The following EEFSEC variants were observed in gnomAD, a reference collection of about 807,000 sequenced individuals.
EEFSEC encodes the protein eukaryotic elongation factor, selenocysteine-tRNA specific, also known as selenocysteine-specific elongation factor.
Under a neutral mutation model 42.1 loss-of-function variants are expected in EEFSEC, and 43 were observed. The ratio of observed to expected loss-of-function variants is 1.02; its 90% confidence interval spans 0.80 to 1.32. The LOEUF is 1.32. EEFSEC is among the 40% of genes most tolerant of loss of function. The pLI, the probability that EEFSEC is intolerant of heterozygous loss-of-function variation, is 0.00. For missense variants in EEFSEC, 745 were observed against 803.6 expected (o/e 0.93, Z 0.88); for synonymous variants, 354 against 339.1 (o/e 1.04, Z -0.48).
At chr3:128,252,599 A>G (rs1169073443) in intron 2 of EEFSEC, among the ~76,000 whole-genome samples, 3 of 152,182 alleles carry the variant, frequency 2.0e-5, no homozygotes, top group Non-Finnish European at 4.4e-5. Context: ...GAGAAAAGTG[A>G]GGCTTAATAA....
intron 6 of EEFSEC, among the ~76,000 whole-genome samples, chr3:128,385,804 A>G (rs1049743746): frequency 6.6e-6 from 1 of 152,232 alleles, no homozygotes; most frequent in African/African-American, 2.4e-5. Context: ...AACAAGAGGC[A>G]GGAGGCTGAG....
chr3:128,255,742 G>A (rs1482894366), intron 2 of EEFSEC, among the ~76,000 whole-genome samples: 3 of 152,242 alleles, frequency 2.0e-5, no homozygotes, highest in African/African-American at 7.2e-5. Context: ...GAAAGTGGCA[G>A]GGTGGGGGTG....
In EEFSEC at chr3:128,331,856, G is replaced by A. The variant is rs550435035; in HGVS notation, c.787-9377G>A. ...TATTTCTTGTACTGCTGGTGGAAGC[G>A]TAACCACCCACTTTAGAGAAAAATC... On this transcript the variant is annotated intron_variant, in intron 4 of 6. Coordinates refer to ENST00000254730, the MANE Select transcript of EEFSEC (RefSeq NM_021937.5). Among the ~76,000 whole-genome samples the A allele has an allele frequency of 9.2e-5, 14 of 152,176 alleles. No homozygotes were observed. In the South Asian group the frequency reaches 1.2e-3, roughly 14 times the overall value.
At chr3:128,352,241 T>A (rs2067396269) in intron 5 of EEFSEC, among the ~76,000 whole-genome samples, 1 of 152,244 alleles carries the variant, frequency 6.6e-6, no homozygotes, top group Non-Finnish European at 1.5e-5. Context: ...GATGTAGGCC[T>A]CACAGCATCC....
chr3:128,366,768 A>G (rs868664796), intron 6 of EEFSEC, among the ~76,000 whole-genome samples: 5 of 152,184 alleles, frequency 3.3e-5, no homozygotes, highest in Non-Finnish European at 4.4e-5. Flanking sequence ...TCTGTTCAAC[A>G]GTGTGCTTTT....
chr3:128,285,979 G>T (rs1219510134), intron 4 of EEFSEC, among the ~76,000 whole-genome samples: 4 of 152,218 alleles, frequency 2.6e-5, no homozygotes, highest in Non-Finnish European at 5.9e-5. Flanking sequence ...TCTGGAATTT[G>T]ATATAAGTAC....
At chr3:128,424,338 AT>A in the EEFSEC span, among the ~76,000 whole-genome samples, 3 of 152,132 alleles carry the variant, frequency 2.0e-5, no homozygotes, top group South Asian at 4.2e-4. Context: ...GTTTTTAATT[AT>A]TGTATTACTT....
At chr3:128,340,199 T>C (rs988425176) in intron 4 of EEFSEC, among the ~76,000 whole-genome samples, 6 of 152,178 alleles carry the variant, frequency 3.9e-5, no homozygotes, top group Non-Finnish European at 7.3e-5. Flanking sequence ...AGAGCTGTCT[T>C]TCTGTGGGTC....
chr3:128,251,706 T>A (rs2066188788), intron 2 of EEFSEC, among the ~76,000 whole-genome samples: 1 of 152,246 alleles, frequency 6.6e-6, no homozygotes, highest in Non-Finnish European at 1.5e-5. Flanking sequence ...TGTTAACCCT[T>A]CTATCATATT....
At chr3:128,279,992 A>G (rs1459215988) in intron 4 of EEFSEC, among the ~76,000 whole-genome samples, 1 of 152,172 alleles carries the variant, frequency 6.6e-6, no homozygotes, top group East Asian at 1.9e-4. Flanking sequence ...GTGCAGATCT[A>G]TGTGGAAAGA....
At chr3:128,184,822 T>C (rs1374939350) in intron 1 of EEFSEC, among the ~76,000 whole-genome samples, 1 of 152,208 alleles carries the variant, frequency 6.6e-6, no homozygotes, top group African/African-American at 2.4e-5. Context: ...AAATTCTCAA[T>C]TGTATCACAA....
At chr3:128,214,497 T>C (rs2065789840) in intron 1 of EEFSEC, among the ~76,000 whole-genome samples, 1 of 152,166 alleles carries the variant, frequency 6.6e-6, no homozygotes, top group Non-Finnish European at 1.5e-5. Context: ...CTAAGAAAAA[T>C]CATTCAGTGA....
intron 4 of EEFSEC, among the ~76,000 whole-genome samples, chr3:128,269,949 A>G (rs998394095): frequency 6.6e-6 from 1 of 152,206 alleles, no homozygotes; most frequent in African/African-American, 2.4e-5. Context: ...GCCACAGACC[A>G]TGGGGAAAGA....
intron 2 of EEFSEC, among the ~76,000 whole-genome samples, chr3:128,259,355 G>GTT (rs2066274688): frequency 6.6e-6 from 1 of 152,102 alleles, no homozygotes; most frequent in Non-Finnish European, 1.5e-5. Context: ...AATATTGTAT[G>GTT]GCTTACTTAT....
intron 6 of EEFSEC, among the ~76,000 whole-genome samples, chr3:128,359,316 G>T (rs1298506773): frequency 6.6e-6 from 1 of 152,120 alleles, no homozygotes; most frequent in Non-Finnish European, 1.5e-5. Context: ...CATAGGCCAG[G>T]GTTCATACTG....
In EEFSEC at chr3:128,287,998, G is replaced by A. The variant is rs72975320; in HGVS notation, c.786+23217G>A. On this transcript the variant is annotated intron_variant, in intron 4 of 6. Transcript: ENST00000254730. ...AAAACTCTGTCTTTGAAGATACTCT[G>A]GTATGAGAACAGATAGACCTGCCTT... Among the ~76,000 whole-genome samples, 4,018 of 136,342 alleles carry A rather than the reference G, an allele frequency of 0.029. 395 individuals carry two copies. The East Asian group carries it at 0.37, about 12-fold the overall frequency. 89.4% of individuals were successfully genotyped at this position (136,342 alleles called of 152,430 possible).
chr3:128,154,180 C>A (rs1422974142), intron 1 of EEFSEC, among the ~76,000 whole-genome samples: 1 of 152,012 alleles, frequency 6.6e-6, no homozygotes, highest in African/African-American at 2.4e-5. Flanking sequence ...CATACAAAGG[C>A]TGTCTTCATT....
At chr3:128,294,172 C>T (rs1242263215) in intron 4 of EEFSEC, among the ~76,000 whole-genome samples, 3 of 152,216 alleles carry the variant, frequency 2.0e-5, no homozygotes, top group Non-Finnish European at 4.4e-5. Context: ...GGGGTCCTCA[C>T]TGGGGTGCCT....
intron 1 of EEFSEC, among the ~76,000 whole-genome samples, chr3:128,211,326 T>C (rs2065754068): frequency 6.6e-6 from 1 of 152,046 alleles, no homozygotes; most frequent in Non-Finnish European, 1.5e-5. Flanking sequence ...TGATCACAGC[T>C]CCTTGAAGCC....
Sources: allele counts gnomAD v4.1 joint callset (sites outside exome capture counted in the v4.1 genomes callset), GRCh38; gene constraint gnomAD v4.1.1; transcripts MANE v1.5; gene names NCBI Gene and HGNC (gene_info 2026-07-23, HGNC 2026-07-21).